ASTN2: variants seen among roughly 807,000 people sequenced by gnomAD.
ASTN2 encodes the protein astrotactin-2.
In ASTN2, 54 loss-of-function variants were observed where a neutral mutation model predicts 139.8. The ratio of observed to expected loss-of-function variants is 0.39; its 90% CI spans 0.31 to 0.48. The LOEUF (loss-of-function observed/expected upper bound fraction) is 0.48, where lower values mean the gene tolerates loss of function less well. Ranked by LOEUF, ASTN2 falls within the 20% of genes least tolerant of loss-of-function variation. The pLI, the probability that ASTN2 is intolerant of heterozygous loss-of-function variation, is 0.95. For missense variants in ASTN2, 1,565 were observed against 1,725.1 expected (o/e 0.91, Z 1.64); for synonymous variants, 756 against 719.5 (o/e 1.05, Z -0.81).
intron 19 of ASTN2, among the ~76,000 whole-genome samples, chr9:116,607,198 T>G (rs568108488): frequency 2.7e-4 from 41 of 152,020 alleles, no homozygotes; most frequent in African/African-American, 9.9e-4. Flanking sequence ...TAATGCAGAG[T>G]CGAAAAGTTA....
chr9:116,740,599 G>A (rs763137796), intron 13 of ASTN2, among the ~76,000 whole-genome samples: 36 of 151,934 alleles, frequency 2.4e-4, no homozygotes, highest in Non-Finnish European at 4.4e-4. Flanking sequence ...TGCAAGCTCC[G>A]CCTCCCGGGT....
intron 12 of ASTN2, among the ~76,000 whole-genome samples, chr9:116,806,539 T>C (rs1831034588): frequency 6.6e-6 from 1 of 152,176 alleles, no homozygotes; most frequent in Non-Finnish European, 1.5e-5. Context: ...AAACTGGAAT[T>C]CTATGAGTGT....
At chr9:116,555,847 G>A (rs139468439) in intron 19 of ASTN2, among the ~76,000 whole-genome samples, 2 of 152,312 alleles carry the variant, frequency 1.3e-5, no homozygotes, top group Non-Finnish European at 2.9e-5. Context: ...TGCAGAGAGG[G>A]AGAGATAATT....
intron 13 of ASTN2, among the ~76,000 whole-genome samples, chr9:116,785,785 A>G (rs994174138): frequency 1.6e-4 from 24 of 152,138 alleles, no homozygotes; most frequent in Non-Finnish European, 2.9e-4. Context: ...GCTCCAATCC[A>G]CAGTCGTCTG....
chr9:116,521,032 A>G (rs1850848876), intron 19 of ASTN2, among the ~76,000 whole-genome samples: 1 of 152,154 alleles, frequency 6.6e-6, no homozygotes, highest in Non-Finnish European at 1.5e-5. Flanking sequence ...AATATATCCC[A>G]TGCCTATGAA....
chr9:117,055,495 TAA>T (rs1463112942), intron 5 of ASTN2, among the ~76,000 whole-genome samples: 1 of 152,038 alleles, frequency 6.6e-6, no homozygotes, highest in Non-Finnish European at 1.5e-5. Flanking sequence ...TTAAAAAACA[TAA>T]AAAAAGATCT....
At chr9:116,659,012 T>C (rs886486755) in intron 16 of ASTN2, among the ~76,000 whole-genome samples, 4 of 152,114 alleles carry the variant, frequency 2.6e-5, no homozygotes, top group African/African-American at 9.7e-5. Flanking sequence ...GATTTTCATC[T>C]AGAGGTAGAG....
intron 3 of ASTN2, among the ~76,000 whole-genome samples, chr9:117,179,051 A>C (rs1295146563): frequency 1.3e-5 from 2 of 152,170 alleles, no homozygotes; most frequent in Non-Finnish European, 2.9e-5. Flanking sequence ...ACGTGCACAC[A>C]ATCCTTAACA....
intron 2 of ASTN2, among the ~76,000 whole-genome samples, chr9:117,239,094 A>G (rs1833132025): frequency 6.6e-6 from 1 of 152,180 alleles, no homozygotes; most frequent in Non-Finnish European, 1.5e-5. Flanking sequence ...CACACAGAAA[A>G]TCAGCAGTGG....
At chr9:116,499,133 A>G (rs754317259) in intron 19 of ASTN2, among the ~76,000 whole-genome samples, 1 of 152,154 alleles carries the variant, frequency 6.6e-6, no homozygotes, top group Non-Finnish European at 1.5e-5. Flanking sequence ...TCTTGATTTT[A>G]TTCCAAGCAC....
chr9:116,732,656 CA>C (rs940138948), intron 14 of ASTN2, among the ~76,000 whole-genome samples: 2 of 151,684 alleles, frequency 1.3e-5, no homozygotes, highest in Non-Finnish European at 2.9e-5. Flanking sequence ...GAACTGGGAG[CA>C]AAAAAAGAGG....
At chr9:116,967,818 C>T (rs781514451) in intron 10 of ASTN2, among the ~76,000 whole-genome samples, 2 of 152,180 alleles carry the variant, frequency 1.3e-5, no homozygotes, top group Admixed American at 6.6e-5. Flanking sequence ...GCCTACTCCA[C>T]GTGTCCTGCT....
chr9:116,507,348 T>C (rs201553058), intron 19 of ASTN2, among the ~76,000 whole-genome samples: 1 of 152,112 alleles, frequency 6.6e-6, no homozygotes, highest in East Asian at 1.9e-4. Flanking sequence ...GTTTTCCAGA[T>C]GGAGAAACAG....
intron 19 of ASTN2, among the ~76,000 whole-genome samples, chr9:116,554,600 T>C (rs1331847172): frequency 6.6e-6 from 1 of 152,192 alleles, no homozygotes; most frequent in African/African-American, 2.4e-5. Context: ...CTCTGTAACA[T>C]TCGCCAGCCT....
intron 4 of ASTN2, among the ~76,000 whole-genome samples, chr9:117,116,579 GTT>G (rs5900265): frequency 0.011 from 1,587 of 145,256 alleles, 29 homozygotes; most frequent in African/African-American, 0.037. Flanking sequence ...TTCATCAAAA[GTT>G]TTTTTTTTTT....
chr9:117,198,048 T>G (rs977084867), intron 3 of ASTN2, among the ~76,000 whole-genome samples: 1 of 151,194 alleles, frequency 6.6e-6, no homozygotes, highest in African/African-American at 2.4e-5. Flanking sequence ...GCCTATGTAG[T>G]TTTTTTTTCC....
chr9:117,314,313 G>A (rs1828066714), intron 1 of ASTN2, among the ~76,000 whole-genome samples: 2 of 151,866 alleles, frequency 1.3e-5, no homozygotes, highest in South Asian at 4.2e-4. Context: ...GGAGGAAAAG[G>A]GTCTGCATTA....
chr9:116,761,202 T>A (rs1347381012), intron 13 of ASTN2, among the ~76,000 whole-genome samples: 1 of 152,212 alleles, frequency 6.6e-6, no homozygotes, highest in African/African-American at 2.4e-5. Context: ...TCACTAAACA[T>A]TTGCTGATTG....
intron 19 of ASTN2, among the ~76,000 whole-genome samples, chr9:116,536,459 G>T (rs542301364): frequency 2.6e-4 from 40 of 152,268 alleles, no homozygotes; most frequent in Admixed American, 2.4e-3. Flanking sequence ...CAGCTTTTCT[G>T]CTCTGCTTTT....
Sources: allele counts gnomAD v4.1 joint callset (sites outside exome capture counted in the v4.1 genomes callset), GRCh38; gene constraint gnomAD v4.1.1; transcripts MANE v1.5; gene names NCBI Gene and HGNC (gene_info 2026-07-23, HGNC 2026-07-21).